The following HSPA14 variants were observed in gnomAD, a reference collection of about 807,000 sequenced individuals.
HSPA14 encodes the protein heat shock 70 kDa protein 14.
Under a neutral mutation model 65.5 loss-of-function variants are expected in HSPA14, and 37 were observed. That is an observed-to-expected ratio of 0.56 (90% CI 0.43 to 0.74). The LOEUF is 0.74. Among genes scored for constraint, HSPA14 ranks in the 30% least tolerant of loss-of-function variants. The pLI is 0.00. For synonymous variants in HSPA14, 203 were observed against 214.2 expected, an observed-to-expected ratio of 0.95 and a Z score of 0.46; for missense variants, 564 against 607.6, an observed-to-expected ratio of 0.93 and a Z score of 0.75.
intron 3 of HSPA14, chr10:14,843,483 C>T (rs767034364): frequency 7.1e-6 from 11 of 1,550,642 alleles, no homozygotes; most frequent in Non-Finnish European, 8.7e-7. Flanking sequence ...GGGAGCCCAG[C>T]CCCTGCACCA....
At chr10:14,849,533 A>G (rs1323220523) in intron 5 of HSPA14, 188 bp from the exon 6 acceptor site, 1 of 680,910 alleles carries the variant, frequency 1.5e-6, no homozygotes, top group African/African-American at 1.8e-5. Context: ...CAAATATATC[A>G]CCAAAACCAC....
rs147886694 is a variant in HSPA14, at chr10:14,860,025, A to G, written c.993+4082A>G. 7.8e-3 allele frequency among the ~76,000 whole-genome samples: 1,192 copies of G among 152,264 alleles called. 3 individuals are homozygous for G. The highest frequency in any genetic ancestry group is 0.013 in the Non-Finnish European group (863 of 68,016). On this transcript the variant is annotated intron_variant, in intron 10 of 13. Transcript: ENST00000378372. ...TTGGTATCTGTTCAAATCTTCTTTA[A>G]TACTTCCTTGTTTTCTTAATATTTA...
chr10:14,845,979 A>G (rs949851562), intron 3 of HSPA14: 4 of 933,602 alleles, frequency 4.3e-6, no homozygotes, highest in Non-Finnish European at 5.1e-6. Flanking sequence ...CAAAATGAAA[A>G]CGAAATTTTA....
chr10:14,867,597 A>T, intron 11 of HSPA14, 139 bp from the exon 12 acceptor site: 1 of 734,904 alleles, frequency 1.4e-6, no homozygotes, highest in East Asian at 2.5e-5. Flanking sequence ...AAGTAGGATT[A>T]AGGATTATTT....
chr10:14,869,232 C>CGTGTGTGTGTGTGTGT lies in HSPA14; in HGVS notation c.1380+1340_1381-1333dup, dbSNP rs68155495. 1.0e-4 allele frequency among the ~76,000 whole-genome samples: 15 copies of CGTGTGTGTGTGTGTGT among 144,822 alleles called. No individual in the cohort carries two copies. In the East Asian group the frequency reaches 3.1e-3, roughly 30 times the overall value. On this transcript the variant is annotated intron_variant, in intron 12 of 13. Transcript: ENST00000378372. ...ATGAGATATTGTGTGTGTACGTGTACGTGTGTGTGTGTGTGTGTGTGTGTG... is the reference window on the plus strand; with the variant it reads ...ATGAGATATTGTGTGTGTACGTGTACGTGTGTGTGTGTGTGTGTGTGTGTGTGTGTGTGTGTGTGTG...
At chr10:14,852,289 G>A in intron 7 of HSPA14, 81 bp from the exon 8 acceptor site, 1 of 1,086,700 alleles carries the variant, frequency 9.2e-7, no homozygotes, top group Non-Finnish European at 1.4e-6. Flanking sequence ...TAAATTAAAG[G>A]GATTAAACTA....
At chr10:14,852,611 T>A in intron 8 of HSPA14, 80 bp downstream of exon 8, 1 of 1,139,000 alleles carries the variant, frequency 8.8e-7, no homozygotes, top group Non-Finnish European at 1.2e-6. Context: ...TAATTTATTT[T>A]AAGTTATCCT....
At chr10:14,867,012 C>A in intron 10 of HSPA14, 71 bp from the exon 11 acceptor site, 1 of 1,090,252 alleles carries the variant, frequency 9.2e-7, no homozygotes, top group Non-Finnish European at 1.4e-6. Context: ...ATGACTCAGT[C>A]TATTACACTT....
intron 11 of HSPA14, 94 bp downstream of exon 11, chr10:14,867,389 T>TG (rs1832816574): frequency 1.2e-6 from 1 of 824,992 alleles, no homozygotes; most frequent in Non-Finnish European, 1.9e-6. Flanking sequence ...TTTTTATACA[T>TG]ACCATGATGT....
intron 10 of HSPA14, among the ~76,000 whole-genome samples, chr10:14,858,650 CAG>C (rs1387790050): frequency 1.3e-5 from 2 of 152,114 alleles, no homozygotes; most frequent in Non-Finnish European, 2.9e-5. Context: ...GTGGGTATGA[CAG>C]AGGGGCAGAG....
chr10:14,851,897 A>C (rs752884422), intron 7 of HSPA14, among the ~76,000 whole-genome samples: 1 of 152,234 alleles, frequency 6.6e-6, no homozygotes, highest in Non-Finnish European at 1.5e-5. Context: ...ATATGTGTAC[A>C]TCATGAGGAA....
At chr10:14,840,745 TATA>T (rs1435951660) in intron 3 of HSPA14, among the ~76,000 whole-genome samples, 2 of 152,242 alleles carry the variant, frequency 1.3e-5, no homozygotes, top group African/African-American at 2.4e-5. Flanking sequence ...TATAGATTGC[TATA>T]ATAATTAGGG....
At chr10:14,864,059 C>G (rs1832780443) in intron 10 of HSPA14, among the ~76,000 whole-genome samples, 2 of 151,632 alleles carry the variant, frequency 1.3e-5, no homozygotes, top group Admixed American at 6.6e-5. Flanking sequence ...TTGGATTTCC[C>G]AAAACAAAGT....
In HSPA14 at chr10:14,852,337, T is replaced by C. The variant is rs143776123; in HGVS notation, c.573-33T>C. 63 of 1,575,292 alleles carry C rather than the reference T, an allele frequency of 4.0e-5. No individual in the cohort carries two copies. In the African/African-American group the frequency reaches 7.7e-4, roughly 19 times the overall value. On this transcript the variant is annotated intron_variant, in intron 7 of 13. Transcript: ENST00000378372. ...TATCCAACTTAGTTTTAAAATGTTA[T>C]TCCCTGATAACTTACTTTATCTTCT...
chr10:14,838,412 A>G lies in HSPA14; in HGVS notation c.10A>G (p.Ile4Val). 6.2e-7 allele frequency: 1 copy of G among 1,605,286 alleles called. No individual in the cohort carries two copies. Among genetic ancestry groups the G allele is most frequent in the Non-Finnish European group, 8.5e-7 (1 of 1,178,056 alleles). ...CCGTCCCTGCTGCCTCATGGCGGCC[A>G]TCGGAGTTCACCTGGGCTGCACCTC... MAA[I>V]GVHLGCTSAC... The change falls in exon 1 of 14, where the codon ATC becomes GTC. Residue 4 changes from isoleucine (I) to valine (V), a missense_variant. Coordinates refer to ENST00000378372, the MANE Select transcript of HSPA14 (RefSeq NM_016299.4).
chr10:14,843,820 G>A, intron 3 of HSPA14: 1 of 1,536,412 alleles, frequency 6.5e-7, no homozygotes, highest in East Asian at 2.4e-5. Context: ...AACAGCAGTG[G>A]AAGAGGCAAC....
At position 14,849,791 on chromosome 10, in the gene HSPA14, A is replaced by G. The variant is rs1834094007; in HGVS notation, c.447A>G (p.Glu149=). ...VVITVPFDFG[E]KQKNALGEAA... ...TTACTGTCCCGTTTGATTTTGGAGA[A>G]AAGCAAAAAAATGCTCTTGGGTAAG... The change falls in exon 6 of 14, where the codon GAA becomes GAG. Residue 149 remains glutamate (E), a synonymous_variant. Transcript: ENST00000378372. 6 of 1,612,428 alleles carry G rather than the reference A, an allele frequency of 3.7e-6. No homozygotes were observed. In the African/African-American group the frequency reaches 6.7e-5, roughly 18 times the overall value.
intron 8 of HSPA14, among the ~76,000 whole-genome samples, chr10:14,853,668 A>G (rs1834124027): frequency 6.6e-6 from 1 of 152,240 alleles, no homozygotes; most frequent in African/African-American, 2.4e-5. Context: ...TAGAGGGATT[A>G]GAAGAGAAAT....
At position 14,840,105 on chromosome 10, in the gene HSPA14, A is replaced by T; in HGVS notation, c.169A>T (p.Ile57Leu). Residue 57 changes from isoleucine to leucine, a missense_variant, in exon 3 of 14, where the codon ATA becomes TTA. By Grantham distance (5) the Ile-to-Leu change is conservative. Coordinates refer to ENST00000378372, the MANE Select transcript of HSPA14 (RefSeq NM_016299.4). ...TGGATTGGCAGCAAAACAAAGTAGAATAAGAAATATTTCAAATACAGTAAT... is the reference window on the plus strand; with the variant it reads ...TGGATTGGCAGCAAAACAAAGTAGATTAAGAAATATTTCAAATACAGTAAT... ...IVGLAAKQSRIRNISNTVMKV... is the reference protein window; with the variant it reads ...IVGLAAKQSRLRNISNTVMKV... The T allele has an allele frequency of 6.8e-7, 1 of 1,470,580 alleles. No individual in the cohort carries two copies. The highest frequency in any genetic ancestry group is 1.6e-5 in the South Asian group (1 of 64,172). The allele number at this position is 1,470,580 out of a possible 1,614,324, so 91.1% of individuals were successfully genotyped here. A position where few individuals can be genotyped will look rare whatever the true frequency, so the allele number is the denominator to read the frequency against.
Sources: gnomAD v4.1 joint callset for allele counts (sites outside exome capture counted in the v4.1 genomes callset) on GRCh38, gnomAD v4.1.1 for gene constraint, MANE v1.5 for transcripts, NCBI Gene and HGNC (gene_info 2026-07-23, HGNC 2026-07-21) for gene names.